NCR1: variants seen among roughly 807,000 people sequenced by gnomAD.
NCR1 encodes the protein natural cytotoxicity triggering receptor 1, also known as NK cell-activating receptor.
A neutral mutation model predicts 32.5 loss-of-function variants in NCR1; 30 were observed. The ratio of observed to expected loss-of-function variants is 0.92; its 90% CI spans 0.69 to 1.25. NCR1 has a LOEUF of 1.25. Ranked by LOEUF, NCR1 falls within the 50% of genes most tolerant of loss-of-function variation. The pLI, the probability that NCR1 is intolerant of heterozygous loss-of-function variation, is 0.00. For missense variants in NCR1, 369 were observed against 380.7 expected, an observed-to-expected ratio of 0.97 and a Z score of 0.26; for synonymous variants, 169 against 143.4, an observed-to-expected ratio of 1.18 and a Z score of -1.28.
At chr19:54,918,835 A>G (rs1330553850), downstream of NCR1, among the ~76,000 whole-genome samples, 1 of 151,970 alleles carries the variant, frequency 6.6e-6, no homozygotes, top group Non-Finnish European at 1.5e-5. Context: ...AGAAAAATAC[A>G]TAGCTGGGTG....
At position 54,912,894 on chromosome 19, in the gene NCR1, G is replaced by GCCA. The variant is rs1217697070; in HGVS notation, c.*24_*26dup. 6.2e-7 allele frequency: 1 copy of GCCA among 1,606,936 alleles called. No homozygotes were observed. On this transcript the variant is annotated 3_prime_UTR_variant, in exon 7 of 7. Transcript: ENST00000291890. The stretch of plus-strand genomic sequence containing the variant: ...TGAAGAATGACCATGAGACACAGTG[G>GCCA]CCATGGGTGGATCTGAAAGCTGGTG...
At chr19:54,901,371 A>G (rs1243300729), upstream of NCR1, among the ~76,000 whole-genome samples, 3 of 151,106 alleles carry the variant, frequency 2.0e-5, no homozygotes, top group African/African-American at 7.3e-5. Flanking sequence ...AAAAAAAAAA[A>G]AAAAAAAAAA....
At chr19:54,926,340 C>T in the NCR1 span, among the ~76,000 whole-genome samples, 7 of 152,120 alleles carry the variant, frequency 4.6e-5, no homozygotes, top group African/African-American at 1.7e-4. Context: ...ATTCAATTCA[C>T]AGAGCATTTT....
the NCR1 span, chr19:54,927,902 G>T: frequency 1.2e-6 from 1 of 807,948 alleles, no homozygotes; most frequent in Non-Finnish European, 2.2e-6. Flanking sequence ...GACCAGCCTT[G>T]CCAACACGGT....
At chr19:54,918,367 C>T (rs2068176921), downstream of NCR1, among the ~76,000 whole-genome samples, 1 of 152,146 alleles carries the variant, frequency 6.6e-6, no homozygotes, top group Non-Finnish European at 1.5e-5. Context: ...CTCCCGGGTT[C>T]AAGCGATTCT....
At chr19:54,920,271 T>C (rs2068222094), downstream of NCR1, among the ~76,000 whole-genome samples, 1 of 152,138 alleles carries the variant, frequency 6.6e-6, no homozygotes, top group Non-Finnish European at 1.5e-5. Flanking sequence ...CATGGGGGTA[T>C]CTGGCCACAT....
At chr19:54,911,917 C>CAAA (rs367770103) in intron 5 of NCR1, among the ~76,000 whole-genome samples, 3 of 136,334 alleles carry the variant, frequency 2.2e-5, no homozygotes, top group Admixed American at 7.3e-5. Context: ...GACTCTATCT[C>CAAA]AAAAAAAAAA....
chr19:54,935,821 T>G, the NCR1 span, among the ~76,000 whole-genome samples: 2 of 152,104 alleles, frequency 1.3e-5, no homozygotes, highest in Non-Finnish European at 2.9e-5. Context: ...GCGAGGATCA[T>G]GCACTCCATA....
chr19:54,907,739 G>A (rs996318583), intron 3 of NCR1, among the ~76,000 whole-genome samples: 2 of 151,936 alleles, frequency 1.3e-5, no homozygotes, highest in African/African-American at 4.8e-5. Flanking sequence ...TCATTATGCA[G>A]CTCACAACAG....
At chr19:54,907,862 T>C (rs1238463790) in intron 3 of NCR1, among the ~76,000 whole-genome samples, 1 of 152,244 alleles carries the variant, frequency 6.6e-6, no homozygotes, top group African/African-American at 2.4e-5. Context: ...TATTTCTATA[T>C]TCTGTGTCAT....
At chr19:54,912,465 G>A (rs1352491657) in intron 6 of NCR1, among the ~76,000 whole-genome samples, 1 of 151,858 alleles carries the variant, frequency 6.6e-6, no homozygotes, top group Non-Finnish European at 1.5e-5. Flanking sequence ...CAGGCGTGGT[G>A]GCGTGTGCCT....
chr19:54,907,389 G>T (rs1189114561), intron 3 of NCR1, among the ~76,000 whole-genome samples: 1 of 148,388 alleles, frequency 6.7e-6, no homozygotes, highest in African/African-American at 2.5e-5. Context: ...GACCTCAGAT[G>T]ATCCGCCCGC....
At chr19:54,924,718 C>T in the NCR1 span, among the ~76,000 whole-genome samples, 2 of 152,028 alleles carry the variant, frequency 1.3e-5, no homozygotes, top group Admixed American at 1.3e-4. Context: ...GGCAGATCAC[C>T]TGAGGTCAGG....
At chr19:54,921,786 A>G in the NCR1 span, among the ~76,000 whole-genome samples, 145 of 149,494 alleles carry the variant, frequency 9.7e-4, no homozygotes, top group Admixed American at 1.8e-3. Context: ...AAAAAAAAAA[A>G]AAAAAAAAAG....
chr19:54,909,386 G>A lies in NCR1; in HGVS notation c.497G>A (p.Arg166His), dbSNP rs139654571. The A allele has an allele frequency of 4.1e-5, 66 of 1,613,902 alleles. No homozygotes were observed. The highest frequency in any genetic ancestry group is 5.2e-5 in the Non-Finnish European group (61 of 1,180,024). Residue 166 changes from arginine to histidine, a missense_variant, in exon 4 of 7, where the codon CGC becomes CAC. By Grantham distance (29) the Arg-to-His change is conservative. Coordinates refer to ENST00000291890, the MANE Select transcript of NCR1 (RefSeq NM_004829.7). ...LKEGRSSHVQRGYGKVQAEFP... is the reference protein window; with the variant it reads ...LKEGRSSHVQHGYGKVQAEFP... The stretch of plus-strand genomic sequence containing the variant: ...GAGGGAAGATCCAGCCACGTACAGC[G>A]CGGATACGGGAAGGTCCAGGCGGAG...
intron 3 of NCR1, among the ~76,000 whole-genome samples, chr19:54,908,246 C>T (rs1437334489): frequency 6.6e-6 from 1 of 152,118 alleles, no homozygotes; most frequent in East Asian, 1.9e-4. Context: ...TTGCACCGCC[C>T]TTAATCCATT....
At chr19:54,929,097 G>C in the NCR1 span, among the ~76,000 whole-genome samples, 25 of 152,308 alleles carry the variant, frequency 1.6e-4, no homozygotes, top group African/African-American at 5.5e-4. Context: ...GGCCAGGAAT[G>C]GTGGCTCATG....
the NCR1 span, among the ~76,000 whole-genome samples, chr19:54,929,483 T>C: frequency 2.0e-5 from 3 of 152,128 alleles, no homozygotes; most frequent in African/African-American, 7.2e-5. Context: ...AGTTGGAAAA[T>C]AGGTTGCATC....
downstream of NCR1, among the ~76,000 whole-genome samples, chr19:54,919,725 C>CG (rs1556721757): frequency 6.9e-6 from 1 of 145,360 alleles, no homozygotes; most frequent in South Asian, 2.2e-4. Context: ...CCCCCCCCCC[C>CG]ACCCGCTGCC....
Sources: gnomAD v4.1 joint callset for allele counts (sites outside exome capture counted in the v4.1 genomes callset) on GRCh38, gnomAD v4.1.1 for gene constraint, MANE v1.5 for transcripts, NCBI Gene and HGNC (gene_info 2026-07-23, HGNC 2026-07-21) for gene names.